The following ENPP3 variants were observed in gnomAD, a reference collection of about 807,000 sequenced individuals.
ENPP3 encodes ectonucleotide pyrophosphatase/phosphodiesterase 3, also known as ectonucleotide pyrophosphatase/phosphodiesterase family member 3.
Under a neutral mutation model 117.8 loss-of-function variants are expected in ENPP3, and 104 were observed. The ratio of observed to expected loss-of-function variants is 0.88; its 90% CI spans 0.75 to 1.04. The LOEUF (loss-of-function observed/expected upper bound fraction) is 1.04, where lower values mean the gene tolerates loss of function less well. ENPP3 is among the 50% of genes least tolerant of loss of function. The pLI is 0.00. For synonymous variants in ENPP3, 380 were observed against 349.9 expected (o/e 1.09, Z -0.96); for missense variants, 1,026 against 1,051.9 (o/e 0.98, Z 0.34).
intron 15 of ENPP3, among the ~76,000 whole-genome samples, chr6:131,714,838 T>TA (rs1401910906): frequency 2.6e-5 from 4 of 151,064 alleles, no homozygotes; most frequent in Non-Finnish European, 5.9e-5. Context: ...AATTAAACAA[T>TA]AAAAAAGTTG....
rs187838598 is a variant in ENPP3, at chr6:131,722,235, C to T, written c.1576C>T (p.Arg526Cys). The T allele has an allele frequency of 1.5e-5, 24 of 1,610,422 alleles. No homozygotes were observed. In the Admixed American group the frequency reaches 2.4e-4, roughly 16 times the overall value. ...EVYNLMCDLL[R>C]IQPAPNNGTH... ...ATTTTTTCAAAAAACAGATCTTCTA[C>T]GCATTCAACCAGCACCAAACAATGG... Residue 526 changes from arginine (R) to cysteine (C), a missense_variant, in exon 18 of 25, where the codon CGC becomes TGC. Arg to Cys is a radical substitution (Grantham distance 180). Transcript: ENST00000357639.
intron 20 of ENPP3, among the ~76,000 whole-genome samples, 191 bp downstream of exon 20, chr6:131,726,391 A>G (rs941415257): frequency 1.3e-5 from 2 of 152,194 alleles, no homozygotes; most frequent in Non-Finnish European, 2.9e-5. Flanking sequence ...AGAGGAACAC[A>G]TTGTGTTTTA....
At chr6:131,709,657 T>C (rs1779733018) in intron 15 of ENPP3, 1 of 1,612,610 alleles carries the variant, frequency 6.2e-7, no homozygotes, top group Non-Finnish European at 8.5e-7. Flanking sequence ...GGAAATAACC[T>C]GCTTTTGATA....
intron 23 of ENPP3, among the ~76,000 whole-genome samples, chr6:131,739,024 A>G (rs1320415771): frequency 6.6e-6 from 1 of 152,162 alleles, no homozygotes; most frequent in Non-Finnish European, 1.5e-5. Context: ...CATTTTCTAT[A>G]TGCTAGGTAC....
intron 7 of ENPP3, among the ~76,000 whole-genome samples, chr6:131,671,890 AAGAT>A (rs1778750710): frequency 6.6e-6 from 1 of 152,242 alleles, no homozygotes; most frequent in Admixed American, 6.5e-5. Context: ...TAAATTATTT[AAGAT>A]AGATAGATTT....
At position 131,663,204 on chromosome 6, in the gene ENPP3, T is replaced by G. The variant is rs187796967; in HGVS notation, c.562+4784T>G. On this transcript the variant is annotated intron_variant, in intron 6 of 24. Transcript: ENST00000357639. ...GCTCAGGCTAGAAGAGTGGACAGTCTTGCTTTGTTACTGATCTTAGGTGGA... is the reference window on the plus strand; with the variant it reads ...GCTCAGGCTAGAAGAGTGGACAGTCGTGCTTTGTTACTGATCTTAGGTGGA... Among the ~76,000 whole-genome samples, 6 of 151,936 alleles carry G rather than the reference T, an allele frequency of 3.9e-5. No individual in the cohort carries two copies. In the East Asian group the frequency reaches 9.6e-4, roughly 24 times the overall value.
chr6:131,719,661 C>T (rs919791870), intron 16 of ENPP3, among the ~76,000 whole-genome samples: 1 of 151,990 alleles, frequency 6.6e-6, no homozygotes, highest in African/African-American at 2.4e-5. Context: ...ACACCCACAC[C>T]TGTTACCAAA....
At chr6:131,664,483 T>C (rs1397024143) in intron 6 of ENPP3, among the ~76,000 whole-genome samples, 1 of 152,168 alleles carries the variant, frequency 6.6e-6, no homozygotes, top group Non-Finnish European at 1.5e-5. Flanking sequence ...CTAAGGTTAA[T>C]TGATTATTGA....
intron 1 of ENPP3, among the ~76,000 whole-genome samples, chr6:131,640,035 G>T (rs1482437418): frequency 6.6e-6 from 1 of 152,002 alleles, no homozygotes; most frequent in Non-Finnish European, 1.5e-5. Context: ...TAGAAAACAA[G>T]CCACAAATAT....
intron 24 of ENPP3, 36 bp from the exon 25 acceptor site, chr6:131,746,749 CT>C: frequency 6.4e-7 from 1 of 1,570,056 alleles, no homozygotes; most frequent in Non-Finnish European, 8.6e-7. Context: ...AAAATACTGC[CT>C]TGTGAAAAAA....
At chr6:131,716,864 G>A (rs372342541) in intron 15 of ENPP3, among the ~76,000 whole-genome samples, 5 of 150,202 alleles carry the variant, frequency 3.3e-5, no homozygotes, top group African/African-American at 9.8e-5. Flanking sequence ...CCAGCTACTC[G>A]GGAGGCTGAG....
chr6:131,679,473 C>T (rs1464860864), intron 11 of ENPP3, among the ~76,000 whole-genome samples: 1 of 150,398 alleles, frequency 6.6e-6, no homozygotes, highest in Middle Eastern at 3.5e-3. Flanking sequence ...GCATTCATTG[C>T]ACCTTAGGAG....
chr6:131,679,705 C>A (rs953433164), intron 11 of ENPP3, among the ~76,000 whole-genome samples: 1 of 152,000 alleles, frequency 6.6e-6, no homozygotes, highest in Admixed American at 6.6e-5. Flanking sequence ...AAAAAGGAAA[C>A]AGAATTTGCA....
chr6:131,741,323 T>C (rs892045818), intron 24 of ENPP3, among the ~76,000 whole-genome samples: 2 of 152,166 alleles, frequency 1.3e-5, no homozygotes, highest in African/African-American at 4.8e-5. Flanking sequence ...AGAGTTCATA[T>C]ACAACTTCAG....
At chr6:131,725,721 C>T (rs1242941521) in intron 19 of ENPP3, among the ~76,000 whole-genome samples, 1 of 152,166 alleles carries the variant, frequency 6.6e-6, no homozygotes, top group African/African-American at 2.4e-5. Context: ...TGTATATCCT[C>T]TGAGCTGTAA....
intron 21 of ENPP3, among the ~76,000 whole-genome samples, chr6:131,735,957 A>G (rs1365228229): frequency 1.3e-5 from 2 of 152,230 alleles, no homozygotes; most frequent in Non-Finnish European, 2.9e-5. Flanking sequence ...TTGTTAACAG[A>G]GTAGATTTCA....
chr6:131,729,132 C>T (rs937474798), intron 20 of ENPP3, among the ~76,000 whole-genome samples: 1 of 152,150 alleles, frequency 6.6e-6, no homozygotes, highest in African/African-American at 2.4e-5. Context: ...ACACACATAT[C>T]ATTCCATGTT....
chr6:131,720,277 A>G lies in ENPP3; in HGVS notation c.1480-15A>G, dbSNP rs763232875. 2.7e-6 allele frequency: 4 copies of G among 1,458,030 alleles called. No homozygotes were observed. In the South Asian group the frequency reaches 3.8e-5, roughly 14 times the overall value. The allele number at this position is 1,458,030 out of a possible 1,614,324, so 90.3% of individuals were successfully genotyped here. The stretch of plus-strand genomic sequence containing the variant: ...GATGACATCTAATAATAATAATCTG[A>G]CTATTATGACCTAGGCTATCTTTCT... On this transcript the variant is annotated splice_polypyrimidine_tract_variant and intron_variant, in intron 16 of 24. Transcript: ENST00000357639.
At chr6:131,718,120 A>G (rs530324501) in intron 15 of ENPP3, among the ~76,000 whole-genome samples, 2 of 152,352 alleles carry the variant, frequency 1.3e-5, no homozygotes, top group East Asian at 3.8e-4. Flanking sequence ...GCATGACTGG[A>G]TTATAATTAA....
Sources: gnomAD v4.1 joint callset for allele counts (sites outside exome capture counted in the v4.1 genomes callset) on GRCh38, gnomAD v4.1.1 for gene constraint, MANE v1.5 for transcripts, NCBI Gene and HGNC (gene_info 2026-07-23, HGNC 2026-07-21) for gene names.